Variants in VPS50 observed in about 807,000 individuals in gnomAD.
The protein encoded by VPS50 is syndetin.
VPS50 carries 70 observed loss-of-function variants against 139.7 expected under a neutral mutation model. The observed-to-expected ratio is 0.50, with a 90% CI of 0.41 to 0.61. The LOEUF (loss-of-function observed/expected upper bound fraction) is 0.61. VPS50 is among the 20% of genes least tolerant of loss of function. The pLI is 0.00. For missense variants in VPS50, 921 were observed against 1,133.7 expected, an observed-to-expected ratio of 0.81 and a Z score of 2.69; for synonymous variants, 365 against 376.7, an observed-to-expected ratio of 0.97 and a Z score of 0.36.
chr7:93,307,840 G>C lies in VPS50; in HGVS notation c.1630-984G>C, dbSNP rs1391388275. 2.0e-5 allele frequency among the ~76,000 whole-genome samples: 3 copies of C among 151,960 alleles called. No individual in the cohort carries two copies. In the East Asian group the frequency reaches 5.8e-4, roughly 29 times the overall value. On this transcript the variant is annotated intron_variant, in intron 18 of 27. Coordinates refer to ENST00000305866, the MANE Select transcript of VPS50 (RefSeq NM_017667.4). ...GTGCAACTTATGTCCTTGAGAATCA[G>C]GGTCCACATTTAAATACGACCTTTC...
chr7:93,333,520 GCTGA>G (rs776926235), intron 21 of VPS50, among the ~76,000 whole-genome samples: 12 of 152,164 alleles, frequency 7.9e-5, no homozygotes, highest in South Asian at 2.1e-4. Context: ...CACACAAGGA[GCTGA>G]CTAACTGGCT....
intron 20 of VPS50, among the ~76,000 whole-genome samples, chr7:93,313,767 AAAG>A (rs1295326579): frequency 6.6e-6 from 1 of 152,076 alleles, no homozygotes; most frequent in Non-Finnish European, 1.5e-5. Context: ...CCTTTAAAGT[AAAG>A]TAAAGTATGG....
chr7:93,310,349 C>T (rs1797231625), intron 19 of VPS50, among the ~76,000 whole-genome samples: 1 of 151,948 alleles, frequency 6.6e-6, no homozygotes, highest in Non-Finnish European at 1.5e-5. Context: ...TTACCACTAC[C>T]ATTCTAGTTT....
intron 2 of VPS50, chr7:93,245,974 C>T (rs928656040): frequency 4.7e-6 from 3 of 643,796 alleles, no homozygotes; most frequent in Non-Finnish European, 8.2e-6. Flanking sequence ...GAGATAAAAT[C>T]TATTTCTGTT....
chr7:93,236,937 CTTTTTTTTTTTTTTTT>C (rs71107889), intron 1 of VPS50, among the ~76,000 whole-genome samples: 24 of 31,066 alleles, frequency 7.7e-4, no homozygotes, highest in Admixed American at 5.1e-3. Context: ...TCTTTTACTT[CTTTTTTTTTTTTTTTT>C]TTTTTTTTTT....
At chr7:93,276,140 G>A (rs747038901) in intron 11 of VPS50, 25 bp from the exon 12 acceptor site, 41 of 1,532,848 alleles carry the variant, frequency 2.7e-5, no homozygotes, top group Non-Finnish European at 1.1e-5. Context: ...GTGAAATTAT[G>A]TTGTGCGTTT....
At position 93,323,752 on chromosome 7, in the gene VPS50, G is replaced by GA. The variant is rs373770549; in HGVS notation, c.1977+27dup. ...GATTCAGTAAGTCCACCTTTAGAGG[G>GA]AAAAAAATCTTTCTTTTAAAATTTA... On this transcript the variant is annotated intron_variant, in intron 21 of 27. Transcript: ENST00000305866. 1,434 of 1,329,924 alleles carry GA rather than the reference G, an allele frequency of 1.1e-3. 5 individuals are homozygous for GA. The highest frequency in any genetic ancestry group is 2.7e-3 in the African/African-American group (174 of 64,740). The allele number at this position is 1,329,924 out of a possible 1,614,324, so 82.4% of individuals were successfully genotyped here. A position where few individuals can be genotyped will look rare whatever the true frequency, so the allele number is the denominator to read the frequency against.
chr7:93,232,526 G>A (rs771632079), intron 1 of VPS50, 26 bp downstream of exon 1: 4 of 1,606,242 alleles, frequency 2.5e-6, no homozygotes, highest in Non-Finnish European at 3.4e-6. Flanking sequence ...TGAAGCAAAG[G>A]CTTCCTTCAT....
intron 20 of VPS50, among the ~76,000 whole-genome samples, chr7:93,322,108 T>G (rs1335448489): frequency 6.6e-6 from 1 of 152,148 alleles, no homozygotes; most frequent in Non-Finnish European, 1.5e-5. Context: ...CTGAGTTGAG[T>G]AGTTTTTACT....
At chr7:93,332,226 C>T (rs1487534084) in intron 21 of VPS50, among the ~76,000 whole-genome samples, 1 of 152,172 alleles carries the variant, frequency 6.6e-6, no homozygotes. Context: ...ATGGAAGCAC[C>T]CTTTCTGGCT....
chr7:93,315,941 A>C (rs1797415646), intron 20 of VPS50, among the ~76,000 whole-genome samples: 1 of 152,082 alleles, frequency 6.6e-6, no homozygotes, highest in Admixed American at 6.6e-5. Flanking sequence ...GAGTTCAACA[A>C]GGGAAATAAA....
intron 12 of VPS50, among the ~76,000 whole-genome samples, chr7:93,278,049 C>A (rs1796210459): frequency 6.6e-6 from 1 of 151,900 alleles, no homozygotes; most frequent in Non-Finnish European, 1.5e-5. Flanking sequence ...AGAGTTTTGT[C>A]TTTTCATCTT....
chr7:93,271,065 T>C (rs370989170), intron 9 of VPS50, 155 bp from the exon 10 acceptor site: 30 of 1,176,314 alleles, frequency 2.6e-5, no homozygotes, highest in East Asian at 2.0e-4. Context: ...TACTTTTTCT[T>C]ATTGCATTGT....
At chr7:93,236,002 A>G (rs1794789190) in intron 1 of VPS50, among the ~76,000 whole-genome samples, 1 of 152,206 alleles carries the variant, frequency 6.6e-6, no homozygotes, top group Admixed American at 6.5e-5. Context: ...CAGAATGAGA[A>G]CATGCAGCTT....
intron 23 of VPS50, among the ~76,000 whole-genome samples, chr7:93,347,515 A>G (rs1798432530): frequency 1.6e-5 from 1 of 64,364 alleles, no homozygotes; most frequent in Non-Finnish European, 2.7e-5. Flanking sequence ...TGCTATAAAG[A>G]CACATGCACA....
rs993555865 is a variant in VPS50 at position 93,342,316 on chromosome 7, C to T, written c.2207+741C>T. The stretch of plus-strand genomic sequence containing the variant: ...AGGAGATTATATCCCGCACCTGGCT[C>T]GGAGGGTCCCATGCCCACGAAGTCT... On this transcript the variant is annotated intron_variant, in intron 23 of 27. Coordinates refer to ENST00000305866, the MANE Select transcript of VPS50 (RefSeq NM_017667.4). Among the ~76,000 whole-genome samples, 7 of 152,336 alleles carry T rather than the reference C, an allele frequency of 4.6e-5. No individual in the cohort carries two copies. In the East Asian group the frequency reaches 5.8e-4, roughly 13 times the overall value.
intron 23 of VPS50, among the ~76,000 whole-genome samples, chr7:93,347,207 C>CA (rs1388790026): frequency 1.4e-5 from 2 of 146,730 alleles, no homozygotes; most frequent in South Asian, 2.2e-4. Flanking sequence ...TTTATGCAGC[C>CA]AAAAAACACA....
At chr7:93,270,373 TA>T (rs1197384625) in intron 9 of VPS50, among the ~76,000 whole-genome samples, 1 of 152,082 alleles carries the variant, frequency 6.6e-6, no homozygotes, top group South Asian at 2.1e-4. Context: ...TTTAGAACTT[TA>T]AATAAATGGA....
intron 2 of VPS50, among the ~76,000 whole-genome samples, chr7:93,247,356 T>C (rs1392166802): frequency 6.6e-6 from 1 of 152,028 alleles, no homozygotes; most frequent in Non-Finnish European, 1.5e-5. Flanking sequence ...ATTTGTCTTT[T>C]GGCATACATG....
Sources: gnomAD v4.1 joint callset for allele counts (sites outside exome capture counted in the v4.1 genomes callset) on GRCh38, gnomAD v4.1.1 for gene constraint, MANE v1.5 for transcripts, NCBI Gene and HGNC (gene_info 2026-07-23, HGNC 2026-07-21) for gene names.